RBM25: variants seen among roughly 807,000 people sequenced by gnomAD.
RBM25 encodes the protein RNA binding motif protein 25, also known as RNA-binding protein 25.
Under a neutral mutation model 120.7 loss-of-function variants are expected in RBM25, and 19 were observed. That is an observed-to-expected ratio of 0.16 (90% CI 0.11 to 0.23). The LOEUF (loss-of-function observed/expected upper bound fraction) is 0.23. Ranked by LOEUF, RBM25 falls within the 10% of genes least tolerant of loss-of-function variation. The probability of loss-of-function intolerance (pLI) is 1.00; values close to 1 mark genes in which losing one functional copy is unlikely to be tolerated. For missense variants in RBM25, 605 were observed against 1,041.5 expected, an observed-to-expected ratio of 0.58 and a Z score of 5.77; for synonymous variants, 390 against 326.7, an observed-to-expected ratio of 1.19 and a Z score of -2.09.
intron 18 of RBM25, among the ~76,000 whole-genome samples, chr14:73,118,872 G>A (rs1896488094): frequency 1.3e-5 from 2 of 152,002 alleles, no homozygotes; most frequent in South Asian, 2.1e-4. Context: ...AGGTTCAAGC[G>A]ATTCTCCTAC....
intron 5 of RBM25, among the ~76,000 whole-genome samples, chr14:73,084,484 CTG>C (rs1455172628): frequency 1.3e-5 from 2 of 152,134 alleles, no homozygotes; most frequent in East Asian, 1.9e-4. Flanking sequence ...AATCTATCCT[CTG>C]TGTTTTCTGT....
chr14:73,098,789 G>A (rs911753135), intron 7 of RBM25, among the ~76,000 whole-genome samples: 1 of 152,030 alleles, frequency 6.6e-6, no homozygotes, highest in Non-Finnish European at 1.5e-5. Context: ...GACTACACGT[G>A]CCTGCTGCCA....
chr14:73,093,928 A>G (rs2140446430), intron 6 of RBM25, among the ~76,000 whole-genome samples: 1 of 149,932 alleles, frequency 6.7e-6, no homozygotes, highest in East Asian at 2.0e-4. Flanking sequence ...TAACCTGATC[A>G]TCTACCATGA....
chr14:73,106,949 C>A (rs1348942453), intron 12 of RBM25, among the ~76,000 whole-genome samples: 1 of 151,860 alleles, frequency 6.6e-6, no homozygotes, highest in Non-Finnish European at 1.5e-5. Context: ...AAGCGATTCT[C>A]CTGCCTCAGC....
intron 5 of RBM25, among the ~76,000 whole-genome samples, chr14:73,085,039 A>C (rs1049525241): frequency 9.4e-5 from 14 of 149,204 alleles, no homozygotes; most frequent in Non-Finnish European, 1.3e-4. Flanking sequence ...CTTTTTTTTG[A>C]GACAGAGTCT....
intron 18 of RBM25, among the ~76,000 whole-genome samples, chr14:73,116,833 G>A (rs914850018): frequency 2.0e-5 from 3 of 152,008 alleles, no homozygotes; most frequent in Admixed American, 1.3e-4. Context: ...TTTGTGGCTC[G>A]TTGATTAGAA....
In RBM25 at chr14:73,111,025, C is replaced by T. The variant is rs766762772; in HGVS notation, c.1887C>T (p.Ala629=). 1.2e-6 allele frequency: 2 copies of T among 1,614,162 alleles called. No individual in the cohort carries two copies. The highest frequency in any genetic ancestry group is 1.7e-6 in the Non-Finnish European group (2 of 1,180,036). The part of the protein sequence containing the change: ...PISSAPSVSS[A]SGNATPNTPG... ...GCTCTGCTCCATCTGTTTCCTCTGC[C>T]AGTGGCAATGCAACACCTAACACTC... Residue 629 remains alanine (A), a synonymous_variant, in exon 15 of 19, where the codon GCC becomes GCT. Coordinates refer to ENST00000261973, the MANE Select transcript of RBM25 (RefSeq NM_021239.3).
At chr14:73,083,014 A>AG (rs1343719349) in intron 4 of RBM25, among the ~76,000 whole-genome samples, 1 of 152,164 alleles carries the variant, frequency 6.6e-6, no homozygotes, top group East Asian at 1.9e-4. Context: ...TGGGAGGCAG[A>AG]GGTTGCAGTG....
chr14:73,110,797 G>A (rs1896295443), intron 14 of RBM25, 34 bp from the exon 15 acceptor site: 1 of 1,576,796 alleles, frequency 6.3e-7, no homozygotes. Context: ...ATGGTGTAGA[G>A]TTGTAGTTAA....
At chr14:73,103,940 TCTCTCTCTCACACACA>T (rs1566597411) in intron 10 of RBM25, among the ~76,000 whole-genome samples, 184 of 40,898 alleles carry the variant, frequency 4.5e-3, no homozygotes, top group South Asian at 0.015. Context: ...TCTCTCTCTC[TCTCTCTCTCACACACA>T]CACACACACA....
Position 73,099,655 on chromosome 14 carries a change from G to A in RBM25, c.784-12G>A, listed in dbSNP as rs935721014. 1.8e-5 allele frequency: 28 copies of A among 1,590,992 alleles called. No individual in the cohort carries two copies. Among genetic ancestry groups the A allele is most frequent in the Admixed American group, 1.2e-4 (6 of 51,780 alleles). The stretch of plus-strand genomic sequence containing the variant: ...TCTTTATTCATTCCCTCCTGTGCCC[G>A]TTTTCTTTTAGGAGGATATAAATGC... On this transcript the variant is annotated splice_polypyrimidine_tract_variant and intron_variant, in intron 8 of 18. Coordinates refer to ENST00000261973, the MANE Select transcript of RBM25 (RefSeq NM_021239.3).
intron 9 of RBM25, chr14:73,100,173 T>G: frequency 1.9e-6 from 1 of 525,090 alleles, no homozygotes; most frequent in Non-Finnish European, 3.4e-6. Flanking sequence ...TTGTATAGAT[T>G]TAAGTTGAGT....
At chr14:73,102,488 T>C (rs1317794273) in intron 9 of RBM25, 1 of 152,264 alleles carries the variant, frequency 6.6e-6, no homozygotes, top group Non-Finnish European at 1.5e-5. Flanking sequence ...TTTCATTGTC[T>C]TACAGGCATA....
chr14:73,095,983 A>AATT (rs1250482415), intron 6 of RBM25, among the ~76,000 whole-genome samples: 2 of 152,036 alleles, frequency 1.3e-5, no homozygotes, highest in Non-Finnish European at 2.9e-5. Flanking sequence ...AGAAAATAAT[A>AATT]ATTATTATTA....
At chr14:73,109,146 G>T in intron 13 of RBM25, 196 bp from the exon 14 acceptor site, 1 of 449,744 alleles carries the variant, frequency 2.2e-6, no homozygotes, top group Non-Finnish European at 4.0e-6. Context: ...AGTGATAAAT[G>T]ACAAGATAAT....
intron 1 of RBM25, among the ~76,000 whole-genome samples, chr14:73,071,174 G>A (rs768035148): frequency 2.0e-5 from 3 of 150,832 alleles, no homozygotes; most frequent in South Asian, 4.2e-4. Flanking sequence ...CCCGGGAGGC[G>A]GAGGTTGCAA....
intron 9 of RBM25, chr14:73,102,438 A>G (rs1282514311): frequency 3.3e-5 from 5 of 152,242 alleles, no homozygotes; most frequent in Admixed American, 2.0e-4. Flanking sequence ...TTAATGCACA[A>G]TCGTTCCTTC....
chr14:73,076,171 G>GA (rs1370855147), intron 2 of RBM25, 148 bp from the exon 3 acceptor site: 1 of 683,848 alleles, frequency 1.5e-6, no homozygotes, highest in Non-Finnish European at 2.4e-6. Context: ...CATTCCTTTT[G>GA]AAAATAAGAT....
chr14:73,095,981 A>G (rs1024767065), intron 6 of RBM25, among the ~76,000 whole-genome samples: 13 of 152,226 alleles, frequency 8.5e-5, no homozygotes, highest in African/African-American at 3.1e-4. Context: ...TTAGAAAATA[A>G]TAATTATTAT....
Sources: allele counts gnomAD v4.1 joint callset (sites outside exome capture counted in the v4.1 genomes callset), GRCh38; gene constraint gnomAD v4.1.1; transcripts MANE v1.5; gene names NCBI Gene and HGNC (gene_info 2026-07-23, HGNC 2026-07-21).